TTN: variants seen among roughly 807,000 people sequenced by gnomAD.
The protein encoded by TTN is connectin.
TTN carries 1,525 observed loss-of-function variants against 3,223.0 expected under a neutral mutation model. That is an observed-to-expected ratio of 0.47 (90% CI 0.45 to 0.49). TTN has a LOEUF of 0.49. TTN is among the 20% of genes least tolerant of loss of function. The pLI is 0.00. For synonymous variants in TTN, 14,094 were observed against 15,161.0 expected, an observed-to-expected ratio of 0.93 and a Z score of 5.17; for missense variants, 40,786 against 43,424.0, an observed-to-expected ratio of 0.94 and a Z score of 5.40.
intron 98 of TTN, 49 bp downstream of exon 98, chr2:178,710,586 C>G (rs764515126): frequency 6.4e-7 from 1 of 1,567,888 alleles, no homozygotes; most frequent in Non-Finnish European, 8.7e-7. Context: ...TCAGGCTATA[C>G]TACAAAATGA....
chr2:178,736,722 G>A lies in TTN; in HGVS notation c.14372-648C>T, dbSNP rs370227670. 8.0e-4 allele frequency among the ~76,000 whole-genome samples: 122 copies of A among 152,098 alleles called. 3 individuals are homozygous for A. The South Asian group carries it at 0.022, about 28-fold the overall frequency. ...ATTATCTGAAGCTTCAATATTAGTC[G>A]CATTCCTAAATTGACCTAATTTGAG... On this transcript the variant is annotated intron_variant, in intron 49 of 362. Transcript: ENST00000589042.
Position 178,574,373 on chromosome 2 carries a change from A to G in TTN, c.71759T>C (p.Leu23920Ser). 6.2e-7 allele frequency: 1 copy of G among 1,613,652 alleles called. No homozygotes were observed. Among genetic ancestry groups the G allele is most frequent in the Non-Finnish European group, 8.5e-7 (1 of 1,179,670 alleles). The change falls in exon 326 of 363, where the codon TTG (leucine) becomes TCG (serine). Residue 23920 changes from leucine to serine, a missense_variant. Transcript: ENST00000589042. ...AGGTGGGTCAATGGGATCCAGAGCC[A>G]ACATAGGTTCTGATGGCTTGCTTGG... is the stretch of plus-strand genomic sequence containing the variant. ...SKPSKPSEPM[L>S]ALDPIDPPGK... is the part of the protein sequence containing the mutation.
chr2:178,645,967 G>A lies in TTN; in HGVS notation c.40361C>T (p.Pro13454Leu). ...KLKPRPPPPPPAPPKEDVKEK... is the reference protein window; with the variant it reads ...KLKPRPPPPPLAPPKEDVKEK... ...CTTCACATCTTCCTTAGGTGGAGCA[G>A]GTGGAGGAGGTGGGGGTCTTGGTTT... Residue 13454 changes from proline (P) to leucine (L), a missense_variant, in exon 217 of 363, where the codon CCT (proline) becomes CTT (leucine). By Grantham distance (98) the Pro-to-Leu change is moderately conservative. Transcript: ENST00000589042. 1 of 1,587,214 alleles carries A rather than the reference G, an allele frequency of 6.3e-7. No individual in the cohort carries two copies. Among genetic ancestry groups the A allele is most frequent in the Non-Finnish European group, 8.6e-7 (1 of 1,169,520 alleles).
chr2:178,575,537 G>C lies in TTN; in HGVS notation c.70595C>G (p.Ala23532Gly). Residue 23532 changes from alanine to glycine, a missense_variant, in exon 326 of 363, where the codon GCA (alanine) becomes GGA (glycine). Ala to Gly is a moderately conservative substitution (Grantham distance 60). Coordinates refer to ENST00000589042, the MANE Select transcript of TTN (RefSeq NM_001267550.2). This position sits in a 1 kb window ranked among gnomAD's most constrained non-coding sequence, Gnocchi z 4.0. The stretch of plus-strand genomic sequence containing the variant: ...GTTAAGGCTGTCTGGTGGAGATGGT[G>C]CTTCAGAGGCTTTTACGGGCTCTGT... ...ETTEPVKASE[A>G]PSPPDSLNIM... 1 of 1,613,662 alleles carries C rather than the reference G, an allele frequency of 6.2e-7. No individual in the cohort carries two copies. The highest frequency in any genetic ancestry group is 8.5e-7 in the Non-Finnish European group (1 of 1,179,648).
chr2:178,678,034 C>T, intron 145 of TTN, 91 bp downstream of exon 145: 1 of 1,555,388 alleles, frequency 6.4e-7, no homozygotes, highest in Non-Finnish European at 8.7e-7. Context: ...TTATTATCAA[C>T]ATAAATACTA....
At chr2:178,724,759 T>G in intron 71 of TTN, 1 of 415,154 alleles carries the variant, frequency 2.4e-6, no homozygotes, top group Non-Finnish European at 4.0e-6. Context: ...TTTTTGTTTT[T>G]CCCACCACTC....
At chr2:178,745,618 C>T (rs542873200) in intron 47 of TTN, 1 of 1,612,770 alleles carries the variant, frequency 6.2e-7, no homozygotes, top group South Asian at 1.1e-5. Context: ...AGCTCTCAGC[C>T]ATTCCTGATT....
intron 218 of TTN, among the ~76,000 whole-genome samples, chr2:178,643,291 T>C (rs1467285587): frequency 2.0e-5 from 3 of 151,988 alleles, no homozygotes; most frequent in Non-Finnish European, 2.9e-5. Flanking sequence ...GTGATAAAGA[T>C]AACTGCTTAA....
At chr2:178,806,373 T>C (rs1276125728) in intron 1 of TTN, among the ~76,000 whole-genome samples, 1 of 152,222 alleles carries the variant, frequency 6.6e-6, no homozygotes, top group African/African-American at 2.4e-5. Context: ...AGTAATCAAA[T>C]TCTAGGAAGA....
At chr2:178,666,522 A>G (rs2065956260) in intron 163 of TTN, among the ~76,000 whole-genome samples, 1 of 152,094 alleles carries the variant, frequency 6.6e-6, no homozygotes, top group Non-Finnish European at 1.5e-5. Flanking sequence ...CTGAATTAAT[A>G]TTTTCTTTAA....
chr2:178,774,736 A>T, intron 29 of TTN, 185 bp downstream of exon 29: 1 of 812,514 alleles, frequency 1.2e-6, no homozygotes, highest in South Asian at 2.0e-5. Context: ...TACTTTAAAA[A>T]ATCCAAATGG....
rs1254040802 is a variant in TTN at position 178,665,414 on chromosome 2, C to A, written c.36006G>T (p.Glu12002Asp). ...GAGTTTCTGGCTCTTCAGGTACATCCTCAAATATTTTCATTTCAGGGACAA... is the reference window on the plus strand; with the variant it reads ...GAGTTTCTGGCTCTTCAGGTACATCATCAAATATTTTCATTTCAGGGACAA... Reference protein sequence around the residue: ...KEVVPEMKIFEDVPEEPETPR... With the variant: ...KEVVPEMKIFDDVPEEPETPR... Residue 12002 changes from glutamate (E) to aspartate (D), a missense_variant, in exon 165 of 363, where the codon GAG (glutamate) becomes GAT (aspartate). Glu to Asp is a conservative substitution (Grantham distance 45, BLOSUM62 2). Transcript: ENST00000589042. 1 of 1,612,288 alleles carries A rather than the reference C, an allele frequency of 6.2e-7. No homozygotes were observed. Among genetic ancestry groups the A allele is most frequent in the Non-Finnish European group, 8.5e-7 (1 of 1,179,624 alleles).
chr2:178,548,042 C>T lies in TTN; in HGVS notation c.93584G>A (p.Ser31195Asn). ...RVKAKNDAGY[S>N]EPREAFSSVI... The stretch of plus-strand genomic sequence containing the variant: ...AGAAGAGAAGGCTTCTCTGGGTTCA[C>T]TATAGCCAGCATCATTCTTGGCCTT... The change falls in exon 339 of 363, where the codon AGT becomes AAT. Residue 31195 changes from serine (S) to asparagine (N), a missense_variant. Ser to Asn is a conservative substitution (Grantham distance 46, BLOSUM62 1). Coordinates refer to ENST00000589042, the MANE Select transcript of TTN (RefSeq NM_001267550.2). The surrounding 1 kb of genome is among the most constrained non-coding windows in gnomAD (Gnocchi z 4.3). 1 of 1,613,858 alleles carries T rather than the reference C, an allele frequency of 6.2e-7. No individual in the cohort carries two copies. Among genetic ancestry groups the T allele is most frequent in the Non-Finnish European group, 8.5e-7 (1 of 1,179,812 alleles).
chr2:178,787,483 G>A (rs1421118715), intron 13 of TTN, among the ~76,000 whole-genome samples: 1 of 152,062 alleles, frequency 6.6e-6, no homozygotes, highest in Non-Finnish European at 1.5e-5. Context: ...ATTTTAAAAT[G>A]TTAACATCTT....
In TTN at chr2:178,537,140, G is replaced by A. The variant is rs375403439; in HGVS notation, c.99969C>T (p.Ile33323=). ...CACATTTTTCCACCACATAGTTGGTGATCCAGGAGCCTCCGTCATCTGCGG... is the reference window on the plus strand; with the variant it reads ...CACATTTTTCCACCACATAGTTGGTAATCCAGGAGCCTCCGTCATCTGCGG... ...KPPADDGGSW[I]TNYVVEKCEA... The change falls in exon 356 of 363, where the codon ATC becomes ATT. Residue 33323 remains isoleucine, a synonymous_variant. Transcript: ENST00000589042. The A allele has an allele frequency of 3.0e-5, 49 of 1,613,486 alleles. No individual in the cohort carries two copies. In the African/African-American group the frequency reaches 6.0e-4, roughly 20 times the overall value.
chr2:178,775,488 A>G lies in TTN; in HGVS notation c.6376T>C (p.Trp2126Arg), dbSNP rs1236527703. The G allele has an allele frequency of 6.2e-7, 1 of 1,614,056 alleles. No homozygotes were observed. Among genetic ancestry groups the G allele is most frequent in the Non-Finnish European group, 8.5e-7 (1 of 1,180,002 alleles). Reference sequence around the variant, plus strand: ...CAAACATTGTCTTCGGGCCAGTACCAGTAGATCCGGTCAGACCGTTCAATT... The same window carrying G: ...CAAACATTGTCTTCGGGCCAGTACCGGTAGATCCGGTCAGACCGTTCAATT... The part of the protein sequence containing the change: ...VKIERSDRIY[W>R]YWPEDNVCEL... Residue 2126 changes from tryptophan to arginine, a missense_variant, in exon 28 of 363, where the codon TGG becomes CGG. Coordinates refer to ENST00000589042, the MANE Select transcript of TTN (RefSeq NM_001267550.2).
chr2:178,614,827 C>T lies in TTN; in HGVS notation c.48760+20G>A. 4 of 1,575,396 alleles carry T rather than the reference C, an allele frequency of 2.5e-6. No individual in the cohort carries two copies. Among genetic ancestry groups the T allele is most frequent in the Non-Finnish European group, 3.4e-6 (4 of 1,159,428 alleles). ...AAGGTCAGAGGCCTATTTGATAAGA[C>T]AAAAATCAAAAATAGATACCTTGTG... On this transcript the variant is annotated intron_variant, in intron 260 of 362. Transcript: ENST00000589042.
chr2:178,698,516 A>G (rs1453388652), intron 112 of TTN, among the ~76,000 whole-genome samples: 2 of 152,120 alleles, frequency 1.3e-5, no homozygotes, highest in Non-Finnish European at 2.9e-5. Flanking sequence ...TAAATAGTCA[A>G]TTTACAATAA....
At position 178,542,545 on chromosome 2, in the gene TTN, G is replaced by A. The variant is rs752957686; in HGVS notation, c.97211C>T (p.Thr32404Ile). 4 of 1,605,242 alleles carry A rather than the reference G, an allele frequency of 2.5e-6. No homozygotes were observed. The highest frequency in any genetic ancestry group is 3.4e-6 in the Non-Finnish European group (4 of 1,173,282). ...VIILDKPGPP[T>I]GPIKIDEIDA... The stretch of plus-strand genomic sequence containing the variant: ...AATTTCATCAATCTTAATAGGTCCT[G>A]TTGGTGGACCAGGCTTGTCTATGAA... Residue 32404 changes from threonine to isoleucine, a missense_variant, in exon 349 of 363, where the codon ACA becomes ATA. Coordinates refer to ENST00000589042, the MANE Select transcript of TTN (RefSeq NM_001267550.2).
Sources: allele counts gnomAD v4.1 joint callset (sites outside exome capture counted in the v4.1 genomes callset), GRCh38; gene constraint gnomAD v4.1.1; non-coding constraint Gnocchi (gnomAD v3.1); transcripts MANE v1.5; gene names NCBI Gene and HGNC (gene_info 2026-07-23, HGNC 2026-07-21).